The following ATF6 variants were observed in gnomAD, a reference collection of about 807,000 sequenced individuals.
ATF6 encodes the protein cyclic AMP-dependent transcription factor ATF-6 alpha.
Under a neutral mutation model 83.6 loss-of-function variants are expected in ATF6, and 53 were observed. The observed-to-expected ratio is 0.63, with a 90% CI of 0.51 to 0.80. The LOEUF is 0.80. Among genes scored for constraint, ATF6 ranks in the 30% least tolerant of loss-of-function variants. The pLI, the probability that ATF6 is intolerant of heterozygous loss-of-function variation, is 0.00. For synonymous variants in ATF6, 288 were observed against 285.8 expected, an observed-to-expected ratio of 1.01 and a Z score of -0.08; for missense variants, 744 against 797.9, an observed-to-expected ratio of 0.93 and a Z score of 0.81.
At chr1:161,774,795 C>G (rs1219142524) in intron 1 of ATF6, among the ~76,000 whole-genome samples, 1 of 152,168 alleles carries the variant, frequency 6.6e-6, no homozygotes, top group East Asian at 1.9e-4. Context: ...TAATGATTTG[C>G]TTTTCTAGTC....
At chr1:161,883,231 G>A (rs2101860542) in intron 14 of ATF6, among the ~76,000 whole-genome samples, 1 of 152,060 alleles carries the variant, frequency 6.6e-6, no homozygotes, top group Middle Eastern at 3.4e-3. Flanking sequence ...ATTTTGTGGG[G>A]AAAGAGAATC....
intron 1 of ATF6, among the ~76,000 whole-genome samples, chr1:161,772,989 A>G (rs1178494032): frequency 3.3e-5 from 4 of 121,368 alleles, no homozygotes; most frequent in Admixed American, 1.0e-4. Flanking sequence ...TTTTTTTGAG[A>G]CAGAGTCTTG....
chr1:161,808,411 C>G (rs1219017177), intron 7 of ATF6, among the ~76,000 whole-genome samples: 1 of 151,972 alleles, frequency 6.6e-6, no homozygotes, highest in African/African-American at 2.4e-5. Context: ...GGAGACAGTT[C>G]TTTAATATGT....
intron 15 of ATF6, among the ~76,000 whole-genome samples, chr1:161,945,171 A>T (rs1192673367): frequency 6.6e-6 from 1 of 152,246 alleles, no homozygotes; most frequent in Non-Finnish European, 1.5e-5. Context: ...TGATAAAGTG[A>T]ACCTGCAAAT....
At chr1:161,851,629 C>T in intron 10 of ATF6, 93 bp from the exon 11 acceptor site, 7 of 759,066 alleles carry the variant, frequency 9.2e-6, no homozygotes, top group East Asian at 5.2e-5. Context: ...TTTTTGTTTC[C>T]ATGAAAAGTT....
intron 14 of ATF6, among the ~76,000 whole-genome samples, chr1:161,884,826 G>A (rs1687387097): frequency 6.6e-6 from 1 of 152,120 alleles, no homozygotes; most frequent in African/African-American, 2.4e-5. Flanking sequence ...ATTGAGAAAT[G>A]TTTCCATTTT....
intron 15 of ATF6, among the ~76,000 whole-genome samples, chr1:161,923,134 C>T (rs977974208): frequency 6.6e-6 from 1 of 152,158 alleles, no homozygotes; most frequent in Non-Finnish European, 1.5e-5. Flanking sequence ...AATAGTCTTT[C>T]CTCCACTGAA....
chr1:161,787,164 T>C (rs151159424), intron 4 of ATF6, among the ~76,000 whole-genome samples: 3 of 152,364 alleles, frequency 2.0e-5, no homozygotes, highest in African/African-American at 4.8e-5. Flanking sequence ...ATAGATGTTA[T>C]CTGCCAACCT....
intron 6 of ATF6, among the ~76,000 whole-genome samples, chr1:161,797,466 C>T (rs1019442665): frequency 3.3e-5 from 5 of 152,054 alleles, no homozygotes; most frequent in African/African-American, 1.2e-4. Flanking sequence ...ACAACTTCAG[C>T]AAAGTTTTAG....
intron 15 of ATF6, among the ~76,000 whole-genome samples, chr1:161,917,671 C>T (rs1027211198): frequency 1.3e-5 from 2 of 152,194 alleles, no homozygotes; most frequent in Admixed American, 6.5e-5. Flanking sequence ...CCGCCCACCT[C>T]GGCCTCCCAA....
At chr1:161,778,129 T>C (rs1294866023) in intron 1 of ATF6, 115 bp from the exon 2 acceptor site, 1 of 693,036 alleles carries the variant, frequency 1.4e-6, no homozygotes. Flanking sequence ...AGTTTATCAA[T>C]AATAGTAATG....
At chr1:161,794,548 A>G (rs140393015) in intron 6 of ATF6, among the ~76,000 whole-genome samples, 2 of 152,022 alleles carry the variant, frequency 1.3e-5, no homozygotes, top group South Asian at 2.1e-4. Context: ...TCTTGGGCTC[A>G]AGGGATCTAC....
intron 7 of ATF6, among the ~76,000 whole-genome samples, chr1:161,817,591 A>G (rs940067382): frequency 3.9e-5 from 6 of 152,034 alleles, no homozygotes; most frequent in Non-Finnish European, 5.9e-5. Context: ...CTTCAGGGAA[A>G]TTTTTACAGA....
intron 14 of ATF6, among the ~76,000 whole-genome samples, chr1:161,887,265 A>G (rs1480737737): frequency 6.6e-6 from 1 of 151,090 alleles, no homozygotes; most frequent in Non-Finnish European, 1.5e-5. Context: ...TTTTTAGTAG[A>G]GACGGGGTTT....
chr1:161,846,304 C>T (rs774045469), intron 9 of ATF6, 145 bp from the exon 10 acceptor site: 3 of 793,260 alleles, frequency 3.8e-6, no homozygotes, highest in Non-Finnish European at 5.6e-6. Context: ...CTTCAGTACC[C>T]TATTTGTACT....
intron 6 of ATF6, among the ~76,000 whole-genome samples, chr1:161,795,086 C>T (rs1157634403): frequency 6.6e-6 from 1 of 151,958 alleles, no homozygotes; most frequent in Non-Finnish European, 1.5e-5. Context: ...AACTTGAGCC[C>T]AGGTGGTCTG....
chr1:161,924,693 G>A (rs965483964), intron 15 of ATF6, among the ~76,000 whole-genome samples: 12 of 152,168 alleles, frequency 7.9e-5, no homozygotes, highest in Non-Finnish European at 2.9e-5. Flanking sequence ...GGCCATATAA[G>A]CAGTTTCTTT....
intron 14 of ATF6, among the ~76,000 whole-genome samples, chr1:161,906,245 T>TCA (rs1558019465): frequency 6.6e-6 from 1 of 152,208 alleles, no homozygotes; most frequent in Non-Finnish European, 1.5e-5. Context: ...CCTAGGGAGA[T>TCA]CAATCCTGAC....
chr1:161,919,898 C>T lies in ATF6; in HGVS notation c.1804+7518C>T, dbSNP rs555403553. 5.3e-5 allele frequency among the ~76,000 whole-genome samples: 8 copies of T among 152,152 alleles called. No homozygotes were observed. The South Asian group carries it at 1.0e-3, about 20-fold the overall frequency. ...GCAACACATTTTTAGTTGGAGAGGT[C>T]GTAACAGAAGGGTAGGAAGCAAACC... On this transcript the variant is annotated intron_variant, in intron 15 of 15. Coordinates refer to ENST00000367942, the MANE Select transcript of ATF6 (RefSeq NM_007348.4).
Sources: gnomAD v4.1 joint callset for allele counts (sites outside exome capture counted in the v4.1 genomes callset) on GRCh38, gnomAD v4.1.1 for gene constraint, MANE v1.5 for transcripts, NCBI Gene and HGNC (gene_info 2026-07-23, HGNC 2026-07-21) for gene names.